The following SNAP91 variants were observed in gnomAD, a reference collection of about 807,000 sequenced individuals.
The protein encoded by SNAP91 is clathrin coat assembly protein AP180.
Under a neutral mutation model 100.3 loss-of-function variants are expected in SNAP91, and 27 were observed. That is an observed-to-expected ratio of 0.27 (90% CI 0.20 to 0.37). The LOEUF is 0.37. Among genes scored for constraint, SNAP91 ranks in the 10% least tolerant of loss-of-function variants. The probability of loss-of-function intolerance (pLI) is 1.00; values close to 1 mark genes in which losing one functional copy is unlikely to be tolerated. For missense variants in SNAP91, 986 were observed against 1,123.7 expected (o/e 0.88, Z 1.75); for synonymous variants, 404 against 398.6 (o/e 1.01, Z -0.16).
chr6:83,566,086 T>A (rs1796215289), intron 26 of SNAP91, among the ~76,000 whole-genome samples: 1 of 152,148 alleles, frequency 6.6e-6, no homozygotes, highest in South Asian at 2.1e-4. Flanking sequence ...ATGTGGTATA[T>A]CCATAAAATG....
chr6:83,642,581 G>A (rs949842229), intron 7 of SNAP91, among the ~76,000 whole-genome samples: 3 of 152,162 alleles, frequency 2.0e-5, no homozygotes. Context: ...TCTTAATCCA[G>A]TCTATCATTG....
intron 29 of SNAP91, among the ~76,000 whole-genome samples, chr6:83,555,698 T>C (rs1338346936): frequency 6.6e-6 from 1 of 152,104 alleles, no homozygotes; most frequent in Non-Finnish European, 1.5e-5. Context: ...TGCAGAAATG[T>C]AAAGGGTAAT....
chr6:83,684,027 C>A (rs2128934258), intron 2 of SNAP91, among the ~76,000 whole-genome samples: 1 of 152,252 alleles, frequency 6.6e-6, no homozygotes, highest in African/African-American at 2.4e-5. Flanking sequence ...CTTTGTTTCC[C>A]TGCCATTTTT....
At chr6:83,640,825 C>T (rs1321533230) in intron 8 of SNAP91, among the ~76,000 whole-genome samples, 3 of 152,224 alleles carry the variant, frequency 2.0e-5, no homozygotes, top group Middle Eastern at 3.4e-3. Context: ...GACCACCTTG[C>T]AAAGCAGCAA....
chr6:83,560,947 G>C lies in SNAP91; in HGVS notation c.2443C>G (p.Gln815Glu). 1.2e-6 allele frequency: 2 copies of C among 1,601,252 alleles called. No individual in the cohort carries two copies. Among genetic ancestry groups the C allele is most frequent in the Non-Finnish European group, 1.7e-6 (2 of 1,175,678 alleles). The change falls in exon 27 of 30, where the codon CAA (glutamine) becomes GAA (glutamate). Residue 815 changes from glutamine to glutamate, a missense_variant and splice_region_variant. Physicochemically the swap from Gln to Glu is conservative, Grantham distance 29. This residue lies in a region of SNAP91 where 575 missense variants were observed against 579.9 expected (regional missense o/e 0.99). Coordinates refer to ENST00000369694, the MANE Select transcript of SNAP91 (RefSeq NM_001242792.2). ...SAGVPPSAPL[Q>E]GAVPPTSSVP... ...GAACTGGTTGGAGGTACAGCTCCTT[G>C]CTACACAGATAGACAGACATACACA...
chr6:83,571,029 C>T (rs989461252), intron 26 of SNAP91, among the ~76,000 whole-genome samples: 3 of 152,112 alleles, frequency 2.0e-5, no homozygotes, highest in Admixed American at 2.0e-4. Context: ...TCAACACCAG[C>T]CTGTGAAAGC....
At chr6:83,572,122 G>T (rs1808996404) in intron 26 of SNAP91, among the ~76,000 whole-genome samples, 1 of 152,088 alleles carries the variant, frequency 6.6e-6, no homozygotes, top group Non-Finnish European at 1.5e-5. Context: ...GTGTGAAAAC[G>T]GAATAATACA....
intron 16 of SNAP91, among the ~76,000 whole-genome samples, chr6:83,599,299 C>T (rs1484520376): frequency 1.3e-5 from 2 of 152,088 alleles, no homozygotes; most frequent in African/African-American, 4.8e-5. Flanking sequence ...TTGAGGTAAT[C>T]AACTCCTTAT....
intron 21 of SNAP91, 138 bp from the exon 22 acceptor site, chr6:83,591,432 A>G (rs894615478): frequency 8.8e-6 from 5 of 569,116 alleles, no homozygotes; most frequent in African/African-American, 7.4e-5. Context: ...GTGTGAAATG[A>G]TCACATGAAT....
chr6:83,703,095 T>C lies in SNAP91; in HGVS notation c.130+4703A>G, dbSNP rs987252590. ...CCCATCTCTTCACCCTTGGGCTGGG[T>C]CTTCTGGTAAAATCAAGAGGAAGGA... On this transcript the variant is annotated intron_variant, in intron 2 of 29. Coordinates refer to ENST00000369694, the MANE Select transcript of SNAP91 (RefSeq NM_001242792.2). Among the ~76,000 whole-genome samples, 3 of 151,924 alleles carry C rather than the reference T, an allele frequency of 2.0e-5. No homozygotes were observed. The East Asian group carries it at 5.8e-4, about 29-fold the overall frequency.
In SNAP91 at chr6:83,688,539, C is replaced by T. The variant is rs149621323; in HGVS notation, c.130+19259G>A. On this transcript the variant is annotated intron_variant, in intron 2 of 29. Coordinates refer to ENST00000369694, the MANE Select transcript of SNAP91 (RefSeq NM_001242792.2). Reference sequence around the variant, plus strand: ...TTTTTTTTTGAGATTGAGTCTTGCTCTGTTGCCAGGCTGGAGTGCAGTGGT... The same window carrying T: ...TTTTTTTTTGAGATTGAGTCTTGCTTTGTTGCCAGGCTGGAGTGCAGTGGT... Among the ~76,000 whole-genome samples the T allele has an allele frequency of 9.7e-3, 1,383 of 143,090 alleles. 26 individuals carry two copies. Among genetic ancestry groups the T allele is most frequent in the African/African-American group, 0.035 (1,292 of 37,342 alleles). 93.9% of individuals were successfully genotyped at this position (143,090 alleles called of 152,430 possible).
chr6:83,684,754 G>C (rs938685090), intron 2 of SNAP91, among the ~76,000 whole-genome samples: 4 of 152,090 alleles, frequency 2.6e-5, no homozygotes, highest in Non-Finnish European at 4.4e-5. Context: ...GTTGCTCCAA[G>C]TCTTGGAGCT....
intron 19 of SNAP91, 46 bp from the exon 20 acceptor site, chr6:83,593,063 G>T: frequency 6.5e-7 from 1 of 1,543,484 alleles, no homozygotes; most frequent in Non-Finnish European, 8.8e-7. Flanking sequence ...GTAAGTAGTA[G>T]AAAGCTGAAA....
chr6:83,588,658 C>T (rs922570219), intron 22 of SNAP91, among the ~76,000 whole-genome samples: 1 of 152,170 alleles, frequency 6.6e-6, no homozygotes, highest in Non-Finnish European at 1.5e-5. Flanking sequence ...ATTCTTATTG[C>T]ATCCCCCAGG....
At chr6:83,643,503 T>C (rs1330472860) in intron 7 of SNAP91, among the ~76,000 whole-genome samples, 6 of 152,200 alleles carry the variant, frequency 3.9e-5, no homozygotes, top group Admixed American at 1.3e-4. Flanking sequence ...TAGTTGTAGA[T>C]GTGTGGTATT....
At chr6:83,610,452 G>C (rs760203182) in intron 12 of SNAP91, among the ~76,000 whole-genome samples, 198 bp downstream of exon 12, 2 of 151,296 alleles carry the variant, frequency 1.3e-5, no homozygotes, top group Non-Finnish European at 2.9e-5. Context: ...GGGGATCGGG[G>C]AGAGAGGGAG....
In SNAP91 at chr6:83,596,499, T is replaced by A. The variant is rs565819417; in HGVS notation, c.1325-2018A>T. 3.5e-4 allele frequency among the ~76,000 whole-genome samples: 54 copies of A among 152,272 alleles called. No homozygotes were observed. In the South Asian group the frequency reaches 0.01, roughly 29 times the overall value. On this transcript the variant is annotated intron_variant, in intron 16 of 29. Coordinates refer to ENST00000369694, the MANE Select transcript of SNAP91 (RefSeq NM_001242792.2). ...TAAAATTTGGAACTGAGGCCAATAA[T>A]ATTGCAAAGAGTAGAAACACATAGC...
At chr6:83,587,198 TA>T (rs1366870496) in intron 22 of SNAP91, among the ~76,000 whole-genome samples, 1 of 152,138 alleles carries the variant, frequency 6.6e-6, no homozygotes, top group Non-Finnish European at 1.5e-5. Context: ...TTTTAAAATT[TA>T]ATTATATCAT....
At chr6:83,681,219 T>C (rs2128913897) in intron 2 of SNAP91, among the ~76,000 whole-genome samples, 1 of 152,306 alleles carries the variant, frequency 6.6e-6, no homozygotes, top group African/African-American at 2.4e-5. Context: ...TAATAATTTC[T>C]GAAGCAATTG....
Sources: gnomAD v4.1 joint callset for allele counts (sites outside exome capture counted in the v4.1 genomes callset) on GRCh38, gnomAD v4.1.1 for gene constraint, gnomAD v4.1.1 regional missense constraint, MANE v1.5 for transcripts, NCBI Gene and HGNC (gene_info 2026-07-23, HGNC 2026-07-21) for gene names.